AGMO: variants seen among roughly 807,000 people sequenced by gnomAD.
The protein encoded by AGMO is alkylglycerol monooxygenase.
Under a neutral mutation model 60.2 loss-of-function variants are expected in AGMO, and 75 were observed. The observed-to-expected ratio is 1.25, with a 90% CI of 1.03 to 1.51. The LOEUF (loss-of-function observed/expected upper bound fraction) is 1.51, where lower values mean the gene tolerates loss of function less well. Among genes scored for constraint, AGMO ranks in the 40% most tolerant of loss-of-function variants. The pLI, the probability that AGMO is intolerant of heterozygous loss-of-function variation, is 0.00. For missense variants in AGMO, 763 were observed against 525.5 expected (o/e 1.45, Z -4.42); for synonymous variants, 261 against 177.1 (o/e 1.47, Z -3.76).
At chr7:15,487,400 G>A (rs1177689365) in intron 3 of AGMO, among the ~76,000 whole-genome samples, 1 of 151,558 alleles carries the variant, frequency 6.6e-6, no homozygotes, top group Non-Finnish European at 1.5e-5. Context: ...TAACTTAGAG[G>A]GTAAGTGCAT....
chr7:15,230,980 T>C (rs1782242199), intron 12 of AGMO, among the ~76,000 whole-genome samples: 1 of 152,178 alleles, frequency 6.6e-6, no homozygotes. Flanking sequence ...CTTAACTCTT[T>C]CATTTTTGGC....
At chr7:15,220,778 A>G (rs1781895043) in intron 12 of AGMO, among the ~76,000 whole-genome samples, 1 of 152,048 alleles carries the variant, frequency 6.6e-6, no homozygotes, top group Non-Finnish European at 1.5e-5. Flanking sequence ...AACATATGCT[A>G]TTATTATTAC....
intron 10 of AGMO, among the ~76,000 whole-genome samples, chr7:15,372,725 G>GT (rs1485747683): frequency 6.6e-6 from 1 of 152,068 alleles, no homozygotes; most frequent in East Asian, 1.9e-4. Flanking sequence ...TAGCTTATTA[G>GT]TTTTTTATAA....
chr7:15,404,718 T>A (rs1784639849), intron 5 of AGMO, among the ~76,000 whole-genome samples: 1 of 151,864 alleles, frequency 6.6e-6, no homozygotes, highest in African/African-American at 2.4e-5. Context: ...CTTTTGACTC[T>A]TTCTAAAGCT....
chr7:15,520,108 C>T (rs10263786), intron 3 of AGMO, among the ~76,000 whole-genome samples: 124,614 of 151,982 alleles, frequency 0.82, 51,385 homozygotes, highest in East Asian at 0.97. Flanking sequence ...AGAAGGGCAT[C>T]ATATAATGGT....
At chr7:15,228,479 T>G (rs750167159) in intron 12 of AGMO, among the ~76,000 whole-genome samples, 32 of 152,148 alleles carry the variant, frequency 2.1e-4, no homozygotes, top group African/African-American at 7.2e-4. Flanking sequence ...CAAAATGGGC[T>G]GGAGAAATAG....
At chr7:15,463,529 A>G (rs895831406) in intron 3 of AGMO, among the ~76,000 whole-genome samples, 1 of 152,254 alleles carries the variant, frequency 6.6e-6, no homozygotes, top group Admixed American at 6.5e-5. Context: ...ACAGTTGTAC[A>G]TTAATTCTAT....
intron 3 of AGMO, among the ~76,000 whole-genome samples, chr7:15,473,922 G>A (rs1451214700): frequency 1.3e-5 from 2 of 152,018 alleles, no homozygotes; most frequent in African/African-American, 4.8e-5. Context: ...CAATCAGAGA[G>A]CTAAATCAAG....
intron 5 of AGMO, among the ~76,000 whole-genome samples, chr7:15,402,326 C>T (rs1784571662): frequency 6.6e-6 from 1 of 151,342 alleles, no homozygotes; most frequent in South Asian, 2.1e-4. Flanking sequence ...CTCTCTTCTT[C>T]TTCTCTTTTT....
Position 15,390,864 on chromosome 7 carries a change from G to T in AGMO, c.718C>A (p.Leu240Ile), listed in dbSNP as rs772538285. The change falls in exon 7 of 13, where the codon CTT (leucine) becomes ATT (isoleucine). Residue 240 changes from leucine to isoleucine, a missense_variant. Coordinates refer to ENST00000342526, the MANE Select transcript of AGMO (RefSeq NM_001004320.2). The part of the protein sequence containing the change: ...YCIDKNYAGV[L>I]IIWDKIFGTF... ...CCAAAAATTTTATCCCAAATAATAA[G>T]AACACCAGCATAATTTTTGTCTATG... 3.7e-6 allele frequency: 6 copies of T among 1,604,240 alleles called. No individual in the cohort carries two copies. The South Asian group carries it at 4.5e-5, about 12-fold the overall frequency.
At chr7:15,290,281 C>G (rs978886629) in intron 12 of AGMO, among the ~76,000 whole-genome samples, 3 of 152,190 alleles carry the variant, frequency 2.0e-5, no homozygotes, top group South Asian at 2.1e-4. Context: ...CCTGCCTCGG[C>G]CTCCCGAAGT....
chr7:15,324,379 T>C (rs1175808899), intron 12 of AGMO, among the ~76,000 whole-genome samples: 1 of 152,204 alleles, frequency 6.6e-6, no homozygotes, highest in Non-Finnish European at 1.5e-5. Context: ...GCTGATGTTC[T>C]ATCTTTTAAA....
chr7:15,202,458 C>CAAAAAAACAAA (rs1781317495), intron 12 of AGMO, among the ~76,000 whole-genome samples: 4 of 45,358 alleles, frequency 8.8e-5, no homozygotes, highest in African/African-American at 2.7e-4. Context: ...TACAAATGAG[C>CAAAAAAACAAA]AAAAAAAAAA....
At chr7:15,365,287 G>C (rs750612024) in intron 12 of AGMO, among the ~76,000 whole-genome samples, 1 of 148,080 alleles carries the variant, frequency 6.8e-6, no homozygotes, top group African/African-American at 2.5e-5. Context: ...AACTCTATGA[G>C]GTTGATGATA....
At chr7:15,416,078 G>A (rs11765926) in intron 5 of AGMO, among the ~76,000 whole-genome samples, 1 of 145,232 alleles carries the variant, frequency 6.9e-6, no homozygotes, top group Non-Finnish European at 1.5e-5. Flanking sequence ...CTGTCGCCCA[G>A]GCTGGAGTGC....
chr7:15,339,447 T>C (rs574790622), intron 12 of AGMO, among the ~76,000 whole-genome samples: 63 of 152,322 alleles, frequency 4.1e-4, no homozygotes, highest in African/African-American at 1.5e-3. Flanking sequence ...TGATTATGCA[T>C]ATAATTATAT....
intron 10 of AGMO, among the ~76,000 whole-genome samples, chr7:15,370,840 G>A (rs1159925637): frequency 6.6e-6 from 1 of 152,078 alleles, no homozygotes; most frequent in African/African-American, 2.4e-5. Context: ...TCTGTAGACT[G>A]TCTGTTTACT....
At chr7:15,386,555 G>C (rs983735365) in intron 9 of AGMO, among the ~76,000 whole-genome samples, 1 of 152,160 alleles carries the variant, frequency 6.6e-6, no homozygotes, top group South Asian at 2.1e-4. Flanking sequence ...ACGGAAGTGG[G>C]AAACTTATTC....
intron 10 of AGMO, among the ~76,000 whole-genome samples, chr7:15,378,420 C>T (rs1783537594): frequency 6.6e-6 from 1 of 151,976 alleles, no homozygotes; most frequent in Admixed American, 6.6e-5. Context: ...GGGATTGCAT[C>T]CCATCCTTCT....
Sources: gnomAD v4.1 joint callset for allele counts (sites outside exome capture counted in the v4.1 genomes callset) on GRCh38, gnomAD v4.1.1 for gene constraint, MANE v1.5 for transcripts, NCBI Gene and HGNC (gene_info 2026-07-23, HGNC 2026-07-21) for gene names.